The following MIB1 variants were observed in gnomAD, a reference collection of about 807,000 sequenced individuals.
The protein encoded by MIB1 is E3 ubiquitin-protein ligase MIB1.
MIB1 carries 278 observed loss-of-function variants against 124.5 expected under a neutral mutation model. The observed-to-expected ratio is 2.23, with a 90% confidence interval of 2.02 to 2.47. The LOEUF (loss-of-function observed/expected upper bound fraction) is 2.47. Among genes scored for constraint, MIB1 ranks in the 30% most tolerant of loss-of-function variants. The probability of loss-of-function intolerance (pLI) is 0.00; values close to 1 mark genes in which losing one functional copy is unlikely to be tolerated. For synonymous variants in MIB1, 446 were observed against 429.4 expected (o/e 1.04, Z -0.48); for missense variants, 957 against 1,254.4 (o/e 0.76, Z 3.58).
chr18:21,828,526 A>G (rs2041947877), intron 12 of MIB1: 1 of 152,010 alleles, frequency 6.6e-6, no homozygotes, highest in Non-Finnish European at 1.5e-5. Context: ...ATTTATCAAA[A>G]TGAGAAGAAA....
chr18:21,791,767 A>T (rs1224149513), intron 7 of MIB1, among the ~76,000 whole-genome samples: 1 of 152,146 alleles, frequency 6.6e-6, no homozygotes, highest in Non-Finnish European at 1.5e-5. Flanking sequence ...TTAATATTTA[A>T]TATTTTTTGA....
intron 18 of MIB1, among the ~76,000 whole-genome samples, chr18:21,856,236 C>CAAAAAAAAAA (rs5823315): frequency 1.5e-4 from 18 of 122,996 alleles, no homozygotes; most frequent in African/African-American, 4.4e-4. Flanking sequence ...GACTCCGTCT[C>CAAAAAAAAAA]AAAAAAAAAA....
chr18:21,842,254 C>G (rs1214569218), intron 13 of MIB1, among the ~76,000 whole-genome samples: 1 of 152,074 alleles, frequency 6.6e-6, no homozygotes. Flanking sequence ...CCGCCAGTAT[C>G]AAGAGTTGTA....
intron 12 of MIB1, among the ~76,000 whole-genome samples, chr18:21,830,103 CTTA>C (rs2146490963): frequency 6.6e-6 from 1 of 152,222 alleles, no homozygotes; most frequent in East Asian, 1.9e-4. Context: ...GCTAGTGCAG[CTTA>C]TAGAGAGCAA....
intron 12 of MIB1, among the ~76,000 whole-genome samples, chr18:21,824,210 A>G (rs1568216199): frequency 6.6e-6 from 1 of 152,196 alleles, no homozygotes; most frequent in Non-Finnish European, 1.5e-5. Context: ...GATGTGATAT[A>G]TGTTGTTTTT....
At chr18:21,815,056 T>A (rs868600470) in intron 10 of MIB1, among the ~76,000 whole-genome samples, 16 of 114,256 alleles carry the variant, frequency 1.4e-4, no homozygotes, top group South Asian at 5.4e-4. Flanking sequence ...TATATATATA[T>A]AAAATTATAT....
rs2042052965 is a variant in MIB1 at position 21,838,396 on chromosome 18, A to G, written c.1861A>G (p.Arg621Gly). The G allele has an allele frequency of 1.2e-6, 2 of 1,604,952 alleles. No individual in the cohort carries two copies. Among genetic ancestry groups the G allele is most frequent in the Non-Finnish European group, 1.7e-6 (2 of 1,174,912 alleles). The change falls in exon 13 of 21, where the codon AGA becomes GGA. Residue 621 changes from arginine (R) to glycine (G), a missense_variant. By Grantham distance (125) the Arg-to-Gly change is moderately radical. Coordinates refer to ENST00000261537, the MANE Select transcript of MIB1 (RefSeq NM_020774.4). The part of the protein sequence containing the change: ...AMRVLLSKLP[R>G]PWIVDEKKDD... ...GCGTGTTTTACTATCTAAATTACCA[A>G]GACCATGGATTGTGGATGAGAAGAA...
rs2042342933 is a variant in MIB1, at chr18:21,869,712, G to A, written c.*5046G>A. On this transcript the variant is annotated 3_prime_UTR_variant, in exon 21 of 21. Coordinates refer to ENST00000261537, the MANE Select transcript of MIB1 (RefSeq NM_020774.4). ...ATCTATAAGTAGCATCTGGGAAGAG[G>A]AGATCGAGGCCACAGTTTGCTATTT... 1.3e-5 allele frequency: 2 copies of A among 152,474 alleles called. No homozygotes were observed. The highest frequency in any genetic ancestry group is 4.1e-4 in the South Asian group (2 of 4,822). The allele number at this position is 152,474 out of a possible 1,614,324, so 9.4% of individuals were successfully genotyped here. A position where few individuals can be genotyped will look rare whatever the true frequency, so the allele number is the denominator to read the frequency against.
chr18:21,787,757 A>ATT (rs756408598), intron 6 of MIB1, among the ~76,000 whole-genome samples: 3 of 113,746 alleles, frequency 2.6e-5, no homozygotes, highest in East Asian at 5.2e-4. Flanking sequence ...GGTGCTGGGT[A>ATT]TTTTTTTTTT....
At chr18:21,843,861 T>A (rs2042112375) in intron 14 of MIB1, among the ~76,000 whole-genome samples, 1 of 152,186 alleles carries the variant, frequency 6.6e-6, no homozygotes, top group African/African-American at 2.4e-5. Context: ...ACATATTGAT[T>A]CTCATATATT....
intron 12 of MIB1, among the ~76,000 whole-genome samples, chr18:21,837,694 C>CT (rs1473892973): frequency 4.6e-5 from 7 of 152,046 alleles, no homozygotes; most frequent in African/African-American, 1.7e-4. Flanking sequence ...TTTGAAAATA[C>CT]TTTATTACTG....
In MIB1 at chr18:21,741,745, C is replaced by T. The variant is rs551119838; in HGVS notation, c.162C>T (p.Asn54=). 9.9e-6 allele frequency: 16 copies of T among 1,611,134 alleles called. No homozygotes were observed. In the East Asian group the frequency reaches 2.7e-4, roughly 27 times the overall value. Residue 54 remains asparagine, a synonymous_variant, in exon 1 of 21, where the codon AAC becomes AAT. Transcript: ENST00000261537. The surrounding 1 kb of genome is among the most constrained non-coding windows in gnomAD (Gnocchi z 5.4). ...AGGAGGTGGTGGTAGTGTGGGACAA[C>T]GGCACAGCTGCCAACTACCGCTGCT... ...SPEEVVVVWD[N]GTAANYRCSG...
intron 12 of MIB1, among the ~76,000 whole-genome samples, chr18:21,835,840 A>ACACACACAAAAACAC (rs1555695330): frequency 1.9e-5 from 2 of 108,056 alleles, no homozygotes; most frequent in Non-Finnish European, 3.5e-5. Context: ...CACACACACA[A>ACACACACAAAAACAC]ACACACACGA....
chr18:21,753,066 C>T (rs543984325), intron 1 of MIB1, among the ~76,000 whole-genome samples: 43 of 151,856 alleles, frequency 2.8e-4, no homozygotes, highest in African/African-American at 9.4e-4. Context: ...TTTTAAAGTA[C>T]ATTTTTGAAA....
chr18:21,791,074 T>C (rs2041496710), intron 6 of MIB1, among the ~76,000 whole-genome samples: 1 of 151,272 alleles, frequency 6.6e-6, no homozygotes, highest in African/African-American at 2.4e-5. Flanking sequence ...CACAGTGGCA[T>C]GCGCCTGTAA....
At chr18:21,803,754 C>G (rs2041674898) in intron 9 of MIB1, 153 bp from the exon 10 acceptor site, 1 of 489,562 alleles carries the variant, frequency 2.0e-6, no homozygotes, top group Non-Finnish European at 3.6e-6. Context: ...ATTAAGAAGT[C>G]TGTAGTTATC....
chr18:21,746,557 T>C (rs2040915185), intron 1 of MIB1, among the ~76,000 whole-genome samples: 1 of 152,344 alleles, frequency 6.6e-6, no homozygotes, highest in Admixed American at 6.5e-5. Context: ...GTCAAGTAGG[T>C]ATAGTTGACT....
intron 1 of MIB1, among the ~76,000 whole-genome samples, chr18:21,751,487 T>C: frequency 6.6e-6 from 1 of 151,992 alleles, no homozygotes; most frequent in Non-Finnish European, 1.5e-5. Flanking sequence ...TCTCTGGAGC[T>C]CCTGACCTCA....
At position 21,765,874 on chromosome 18, in the gene MIB1, T is replaced by G; in HGVS notation, c.332T>G (p.Val111Gly). 3.1e-6 allele frequency: 5 copies of G among 1,614,154 alleles called. No individual in the cohort carries two copies. The highest frequency in any genetic ancestry group is 4.2e-6 in the Non-Finnish European group (5 of 1,179,986). Residue 111 changes from valine (V) to glycine (G), a missense_variant, in exon 2 of 21, where the codon GTG (valine) becomes GGG (glycine). Physicochemically the swap from Val to Gly is moderately radical, Grantham distance 109 (BLOSUM62 -3). Transcript: ENST00000261537. Reference sequence around the variant, plus strand: ...TGTACAAATTATGATTTGTGCACAGTGTGTTATCATGGAGATAAACATCAT... The same window carrying G: ...TGTACAAATTATGATTTGTGCACAGGGTGTTATCATGGAGATAAACATCAT... Reference protein sequence around the residue: ...AECTNYDLCTVCYHGDKHHLR... With the variant: ...AECTNYDLCTGCYHGDKHHLR...
Sources: gnomAD v4.1 joint callset for allele counts (sites outside exome capture counted in the v4.1 genomes callset) on GRCh38, gnomAD v4.1.1 for gene constraint, Gnocchi (gnomAD v3.1) non-coding constraint, MANE v1.5 for transcripts, NCBI Gene and HGNC (gene_info 2026-07-23, HGNC 2026-07-21) for gene names.